Variants in ZNF560 observed in about 807,000 individuals in gnomAD.
ZNF560 encodes zinc finger protein 560.
Under a neutral mutation model 81.8 loss-of-function variants are expected in ZNF560, and 54 were observed. The ratio of observed to expected loss-of-function variants is 0.66; its 90% CI spans 0.53 to 0.83. ZNF560 has a LOEUF of 0.83. Ranked by LOEUF, ZNF560 falls within the 40% of genes least tolerant of loss-of-function variation. ZNF560 has a pLI of 0.00. For synonymous variants in ZNF560, 321 were observed against 317.9 expected (o/e 1.01, Z -0.10); for missense variants, 940 against 932.4 (o/e 1.01, Z -0.11).
chr19:9,495,883 A>G (rs2073550065), intron 2 of ZNF560, among the ~76,000 whole-genome samples: 1 of 152,194 alleles, frequency 6.6e-6, no homozygotes, highest in South Asian at 2.1e-4. Context: ...AGTAAAACAA[A>G]CAAACAGAAA....
At chr19:9,490,078 A>C (rs982008338) in intron 2 of ZNF560, among the ~76,000 whole-genome samples, 1 of 152,196 alleles carries the variant, frequency 6.6e-6, no homozygotes, top group Non-Finnish European at 1.5e-5. Flanking sequence ...TGGCTAATGT[A>C]AAGGAGGGAA....
Position 9,467,604 on chromosome 19 carries a change from A to C in ZNF560, c.1343T>G (p.Phe448Cys). 6.2e-7 allele frequency: 1 copy of C among 1,614,082 alleles called. No individual in the cohort carries two copies. Among genetic ancestry groups the C allele is most frequent in the Non-Finnish European group, 8.5e-7 (1 of 1,180,000 alleles). Reference protein sequence around the residue: ...GKAFISYPSLFGHLRVHNGEK... With the variant: ...GKAFISYPSLCGHLRVHNGEK... Reference sequence around the variant, plus strand: ...TCCATTATGAACTCTCAAATGTCCAAAAAGAGATGGGTAAGAAATAAAGGC... The same window carrying C: ...TCCATTATGAACTCTCAAATGTCCACAAAGAGATGGGTAAGAAATAAAGGC... The change falls in exon 10 of 10, where the codon TTT becomes TGT. Residue 448 changes from phenylalanine (F) to cysteine (C), a missense_variant. Transcript: ENST00000301480.
At chr19:9,490,882 G>A (rs1256160329) in intron 2 of ZNF560, among the ~76,000 whole-genome samples, 1 of 152,122 alleles carries the variant, frequency 6.6e-6, no homozygotes, top group Non-Finnish European at 1.5e-5. Context: ...AAGTCACATC[G>A]ACTTTGGAGA....
chr19:9,498,214 C>T lies in ZNF560; in HGVS notation c.-143G>A, dbSNP rs935506605. 1.3e-5 allele frequency: 2 copies of T among 152,200 alleles called. No individual in the cohort carries two copies. The highest frequency in any genetic ancestry group is 1.3e-4 in the Admixed American group (2 of 15,272). The allele number at this position is 152,200 out of a possible 1,614,324, so 9.4% of individuals were successfully genotyped here. On this transcript the variant is annotated splice_region_variant and 5_prime_UTR_variant, in exon 2 of 10. Coordinates refer to ENST00000301480, the MANE Select transcript of ZNF560 (RefSeq NM_152476.3). ...AACGCGAACGGCAAAATTCTTTTCC[C>T]TCTGAAACACAATTCACAAACGTTG... is the stretch of plus-strand genomic sequence containing the variant.
In ZNF560 at chr19:9,467,877, A is replaced by C; in HGVS notation, c.1070T>G (p.Phe357Cys). The change falls in exon 10 of 10, where the codon TTT becomes TGT. Residue 357 changes from phenylalanine to cysteine, a missense_variant. By Grantham distance (205) the Phe-to-Cys change is radical. Transcript: ENST00000301480. ...PYECKECGKD[F>C]RYPTHLNNHM... ...ATTATTAAGGTGGGTAGGGTATCTA[A>C]AATCTTTTCCACATTCCTTACATTC... 6.2e-7 allele frequency: 1 copy of C among 1,614,140 alleles called. No homozygotes were observed. Among genetic ancestry groups the C allele is most frequent in the Non-Finnish European group, 8.5e-7 (1 of 1,180,018 alleles).
the ZNF560 span, among the ~76,000 whole-genome samples, chr19:9,452,181 AT>A: frequency 6.6e-6 from 1 of 152,160 alleles, no homozygotes; most frequent in Non-Finnish European, 1.5e-5. Context: ...CTCATTACTA[AT>A]CATTAGAGAA....
At chr19:9,453,429 A>AACATAGCG in the ZNF560 span, among the ~76,000 whole-genome samples, 2 of 152,068 alleles carry the variant, frequency 1.3e-5, no homozygotes, top group Admixed American at 1.3e-4. Context: ...AAATTCTAGC[A>AACATAGCG]ACATTAATGT....
chr19:9,460,481 G>T, the ZNF560 span, among the ~76,000 whole-genome samples: 1 of 152,300 alleles, frequency 6.6e-6, no homozygotes, highest in East Asian at 1.9e-4. Context: ...GGACCCCCCA[G>T]TGGAGGTATA....
At position 9,466,493 on chromosome 19, in the gene ZNF560, C is replaced by T; in HGVS notation, c.*81G>A. The stretch of plus-strand genomic sequence containing the variant: ...CTTACATTGATAGTGTTACTTTCTC[C>T]TGTGAATTTTTACATGTTCAGTTAG... On this transcript the variant is annotated 3_prime_UTR_variant, in exon 10 of 10. Coordinates refer to ENST00000301480, the MANE Select transcript of ZNF560 (RefSeq NM_152476.3). 1 of 1,318,464 alleles carries T rather than the reference C, an allele frequency of 7.6e-7. No individual in the cohort carries two copies. Among genetic ancestry groups the T allele is most frequent in the Non-Finnish European group, 1.0e-6 (1 of 955,424 alleles). 81.7% of individuals were successfully genotyped at this position (1,318,464 alleles called of 1,614,324 possible).
chr19:9,463,958 C>G (rs1442397893), downstream of ZNF560, among the ~76,000 whole-genome samples: 2 of 152,214 alleles, frequency 1.3e-5, no homozygotes, highest in African/African-American at 4.8e-5. Flanking sequence ...GCTGGGATTA[C>G]AGGCATAAGC....
At chr19:9,488,019 A>T (rs769029930) in intron 2 of ZNF560, among the ~76,000 whole-genome samples, 99 of 152,142 alleles carry the variant, frequency 6.5e-4, no homozygotes, top group Non-Finnish European at 1.2e-3. Context: ...ATATCACAGC[A>T]CTGGAAGGAG....
chr19:9,505,946 T>G, the ZNF560 span, among the ~76,000 whole-genome samples: 23,748 of 151,794 alleles, frequency 0.16, 2,779 homozygotes, highest in African/African-American at 0.32. Flanking sequence ...TTACAGGTGT[T>G]AGCCACCACA....
At chr19:9,477,365 G>C (rs2073218784) in intron 2 of ZNF560, among the ~76,000 whole-genome samples, 1 of 152,136 alleles carries the variant, frequency 6.6e-6, no homozygotes, top group African/African-American at 2.4e-5. Context: ...TTGTCCCTAA[G>C]TCTAATCCTC....
In ZNF560 at chr19:9,467,070, T is replaced by C. The variant is rs146041183; in HGVS notation, c.1877A>G (p.Lys626Arg). 3.1e-6 allele frequency: 5 copies of C among 1,613,940 alleles called. No homozygotes were observed. Among genetic ancestry groups the C allele is most frequent in the African/African-American group, 2.7e-5 (2 of 74,932 alleles). The change falls in exon 10 of 10, where the codon AAG becomes AGG. Residue 626 changes from lysine to arginine, a missense_variant. By Grantham distance (26) the Lys-to-Arg change is conservative (BLOSUM62 2). Transcript: ENST00000301480. ...CCCACAGTCCTTATATTCATAGGGC[T>C]TATCTCCAGTGTGTCTTCGTAAATG... is the stretch of plus-strand genomic sequence containing the variant. ...TKHLRRHTGD[K>R]PYEYKDCGKA...
chr19:9,466,508 T>G lies in ZNF560; in HGVS notation c.*66A>C. 1 of 1,435,316 alleles carries G rather than the reference T, an allele frequency of 7.0e-7. No individual in the cohort carries two copies. Among genetic ancestry groups the G allele is most frequent in the East Asian group, 2.3e-5 (1 of 43,722 alleles). The allele number at this position is 1,435,316 out of a possible 1,614,324, so 88.9% of individuals were successfully genotyped here. ...TTACTTTCTCCTGTGAATTTTTACA[T>G]GTTCAGTTAGGCTTGAGGAAACAGC... On this transcript the variant is annotated 3_prime_UTR_variant, in exon 10 of 10. Coordinates refer to ENST00000301480, the MANE Select transcript of ZNF560 (RefSeq NM_152476.3).
the ZNF560 span, among the ~76,000 whole-genome samples, chr19:9,454,394 G>A: frequency 5.9e-5 from 9 of 152,198 alleles, no homozygotes; most frequent in South Asian, 2.1e-4. Context: ...GTCTCAGCAA[G>A]TGGCGCCCAA....
At chr19:9,493,823 G>A (rs1239648944) in intron 2 of ZNF560, among the ~76,000 whole-genome samples, 3 of 152,226 alleles carry the variant, frequency 2.0e-5, no homozygotes, top group Non-Finnish European at 4.4e-5. Flanking sequence ...AGGAGAATAT[G>A]ACTAAATTTC....
At chr19:9,474,443 C>A in intron 3 of ZNF560, 118 bp from the exon 4 acceptor site, 2 of 1,156,664 alleles carry the variant, frequency 1.7e-6, no homozygotes, top group East Asian at 2.4e-5. Context: ...CATTATCTAC[C>A]CAAAGCTTAA....
Position 9,467,499 on chromosome 19 carries a change from G to C in ZNF560, c.1448C>G (p.Thr483Arg). The C allele has an allele frequency of 2.5e-6, 4 of 1,614,054 alleles. No homozygotes were observed. Among genetic ancestry groups the C allele is most frequent in the Non-Finnish European group, 3.4e-6 (4 of 1,180,026 alleles). ...SGVIEDRRSNTGQKRFDCDQC... is the reference protein window; with the variant it reads ...SGVIEDRRSNRGQKRFDCDQC... ...GTCACAATCAAAGCGTTTCTGTCCT[G>C]TGTTACTTCTTCTATCTTCAATAAC... The change falls in exon 10 of 10, where the codon ACA becomes AGA. Residue 483 changes from threonine to arginine, a missense_variant. Transcript: ENST00000301480.
Sources: allele counts gnomAD v4.1 joint callset (sites outside exome capture counted in the v4.1 genomes callset), GRCh38; gene constraint gnomAD v4.1.1; transcripts MANE v1.5; gene names NCBI Gene and HGNC (gene_info 2026-07-23, HGNC 2026-07-21).